OSBPL8: variants seen among roughly 807,000 people sequenced by gnomAD.
OSBPL8 encodes the protein oxysterol binding protein like 8, also known as oxysterol-binding protein-related protein 8.
Under a neutral mutation model 125.5 loss-of-function variants are expected in OSBPL8, and 59 were observed. The ratio of observed to expected loss-of-function variants is 0.47; its 90% CI spans 0.38 to 0.58. The LOEUF (loss-of-function observed/expected upper bound fraction) is 0.58. Ranked by LOEUF, OSBPL8 falls within the 20% of genes least tolerant of loss-of-function variation. The probability of loss-of-function intolerance (pLI) is 0.00; values close to 1 mark genes in which losing one functional copy is unlikely to be tolerated. For synonymous variants in OSBPL8, 330 were observed against 338.9 expected, an observed-to-expected ratio of 0.97 and a Z score of 0.29; for missense variants, 758 against 1,047.8, an observed-to-expected ratio of 0.72 and a Z score of 3.82.
At chr12:76,437,096 T>C (rs1300535958) in intron 4 of OSBPL8, among the ~76,000 whole-genome samples, 1 of 152,206 alleles carries the variant, frequency 6.6e-6, no homozygotes, top group Non-Finnish European at 1.5e-5. Flanking sequence ...AGGTTTAGGT[T>C]TTTTCAGGTG....
chr12:76,472,812 C>A (rs570298595), intron 2 of OSBPL8, among the ~76,000 whole-genome samples: 231 of 152,316 alleles, frequency 1.5e-3, no homozygotes, highest in African/African-American at 5.3e-3. Flanking sequence ...AGGAGCATGA[C>A]CACTGAAGCA....
At chr12:76,512,624 C>T (rs1679241549) in intron 1 of OSBPL8, among the ~76,000 whole-genome samples, 1 of 152,192 alleles carries the variant, frequency 6.6e-6, no homozygotes, top group Non-Finnish European at 1.5e-5. Flanking sequence ...AACGTGATGC[C>T]TCCAGCTTTG....
At chr12:76,489,138 T>C (rs1352094178) in intron 1 of OSBPL8, among the ~76,000 whole-genome samples, 1 of 152,154 alleles carries the variant, frequency 6.6e-6, no homozygotes, top group Non-Finnish European at 1.5e-5. Context: ...AAGAGAAGTT[T>C]CAAGCCAGCA....
chr12:76,401,599 G>T (rs1024970372), intron 6 of OSBPL8, among the ~76,000 whole-genome samples: 4 of 152,024 alleles, frequency 2.6e-5, no homozygotes, highest in Admixed American at 2.0e-4. Context: ...TTCAAACAGG[G>T]GCAAACTAGC....
chr12:76,448,944 T>C (rs552115133), intron 4 of OSBPL8, among the ~76,000 whole-genome samples: 230 of 152,114 alleles, frequency 1.5e-3, no homozygotes, highest in Non-Finnish European at 2.7e-3. Flanking sequence ...ACCCGGGAGA[T>C]GGAGGTTGCA....
intron 3 of OSBPL8, among the ~76,000 whole-genome samples, chr12:76,456,972 C>A (rs1253753044): frequency 1.3e-5 from 2 of 152,170 alleles, no homozygotes; most frequent in Non-Finnish European, 2.9e-5. Context: ...CCTTTGTCTG[C>A]TTCTTGGGAG....
Position 76,507,382 on chromosome 12 carries a change from A to C in OSBPL8, c.-67-19764T>G, listed in dbSNP as rs183903140. ...CCTTAAAATAATGATTGAATATTGA[A>C]CATTCAATTATTCAGTAATGAATAG... On this transcript the variant is annotated intron_variant, in intron 1 of 23. Transcript: ENST00000261183. 5.0e-3 allele frequency among the ~76,000 whole-genome samples: 764 copies of C among 151,948 alleles called. 4 individuals are homozygous for C. The highest frequency in any genetic ancestry group is 0.017 in the Middle Eastern group (5 of 294).
At chr12:76,467,290 C>G (rs982665856) in intron 2 of OSBPL8, among the ~76,000 whole-genome samples, 2 of 152,142 alleles carry the variant, frequency 1.3e-5, no homozygotes, top group Non-Finnish European at 2.9e-5. Context: ...CTTCCTCTAC[C>G]TGCTCTTTTC....
intron 3 of OSBPL8, among the ~76,000 whole-genome samples, chr12:76,451,947 C>T (rs191625991): frequency 1.1e-4 from 17 of 152,204 alleles, no homozygotes; most frequent in Non-Finnish European, 2.1e-4. Context: ...GGCGAAACCC[C>T]GTCTCTACTA....
Position 76,454,254 on chromosome 12 carries a change from G to C in OSBPL8, c.80-3266C>G, listed in dbSNP as rs894322727. ...GTTCATAGCAACACTGTTCATAATA[G>C]CAAAAACCAAACAACATATTCATCA... On this transcript the variant is annotated intron_variant, in intron 3 of 23. Coordinates refer to ENST00000261183, the MANE Select transcript of OSBPL8 (RefSeq NM_020841.5). Among the ~76,000 whole-genome samples the C allele has an allele frequency of 5.9e-5, 9 of 152,128 alleles. No homozygotes were observed. In the East Asian group the frequency reaches 1.7e-3, roughly 29 times the overall value.
intron 1 of OSBPL8, among the ~76,000 whole-genome samples, chr12:76,557,106 T>C (rs796993717): frequency 6.6e-6 from 1 of 150,676 alleles, no homozygotes; most frequent in Non-Finnish European, 1.5e-5. Flanking sequence ...TTCAATATAA[T>C]ACAAACATTA....
At chr12:76,480,343 T>C (rs978763181) in intron 2 of OSBPL8, among the ~76,000 whole-genome samples, 4 of 152,184 alleles carry the variant, frequency 2.6e-5, no homozygotes, top group African/African-American at 9.7e-5. Flanking sequence ...AATACAATGA[T>C]TTATCTAAGA....
chr12:76,528,507 C>T (rs1408190809), intron 1 of OSBPL8, among the ~76,000 whole-genome samples: 2 of 151,984 alleles, frequency 1.3e-5, no homozygotes, highest in Admixed American at 6.6e-5. Flanking sequence ...ATAAATCATG[C>T]CTTGTCGAGT....
At chr12:76,534,710 T>C (rs926230832) in intron 1 of OSBPL8, among the ~76,000 whole-genome samples, 1 of 152,120 alleles carries the variant, frequency 6.6e-6, no homozygotes, top group African/African-American at 2.4e-5. Flanking sequence ...ATGCAAAGTT[T>C]TTTTACTATT....
At chr12:76,380,098 T>C (rs544894837) in intron 15 of OSBPL8, among the ~76,000 whole-genome samples, 1 of 152,326 alleles carries the variant, frequency 6.6e-6, no homozygotes, top group African/African-American at 2.4e-5. Flanking sequence ...TTTTCAAAAT[T>C]GTTTGGCTGT....
At chr12:76,503,266 T>C (rs1417851060) in intron 1 of OSBPL8, among the ~76,000 whole-genome samples, 1 of 152,178 alleles carries the variant, frequency 6.6e-6, no homozygotes, top group Non-Finnish European at 1.5e-5. Flanking sequence ...TTTCAGCAGG[T>C]TTAGTTTCTT....
intron 4 of OSBPL8, 118 bp downstream of exon 4, chr12:76,450,733 C>T: frequency 1.9e-6 from 2 of 1,059,566 alleles, no homozygotes; most frequent in Non-Finnish European, 2.7e-6. Flanking sequence ...AAACCCCTTA[C>T]AAAACCAAAT....
intron 7 of OSBPL8, among the ~76,000 whole-genome samples, chr12:76,398,992 A>C (rs1214529003): frequency 2.0e-5 from 3 of 152,216 alleles, no homozygotes; most frequent in African/African-American, 7.2e-5. Flanking sequence ...TGGGGACTTA[A>C]CAGAGGGCAG....
At chr12:76,479,699 A>G (rs938718077) in intron 2 of OSBPL8, among the ~76,000 whole-genome samples, 6 of 152,234 alleles carry the variant, frequency 3.9e-5, no homozygotes, top group African/African-American at 1.4e-4. Context: ...ACTGATGAAC[A>G]CCTTAAACAT....
Sources: allele counts gnomAD v4.1 joint callset (sites outside exome capture counted in the v4.1 genomes callset), GRCh38; gene constraint gnomAD v4.1.1; transcripts MANE v1.5; gene names NCBI Gene and HGNC (gene_info 2026-07-23, HGNC 2026-07-21).